The following OC90 variants were observed in gnomAD, a reference collection of about 807,000 sequenced individuals.
OC90 encodes the protein otoconin-90.
In OC90, 46 loss-of-function variants were observed where a neutral mutation model predicts 47.3. The observed-to-expected ratio is 0.97, with a 90% CI of 0.77 to 1.24. The LOEUF is 1.24. Among genes scored for constraint, OC90 ranks in the 50% most tolerant of loss-of-function variants. The pLI, the probability that OC90 is intolerant of heterozygous loss-of-function variation, is 0.00. For synonymous variants in OC90, 271 were observed against 219.5 expected (o/e 1.23, Z -2.07); for missense variants, 688 against 583.9 (o/e 1.18, Z -1.84).
intron 6 of OC90, among the ~76,000 whole-genome samples, chr8:132,039,662 C>T (rs1273022190): frequency 6.6e-6 from 1 of 152,156 alleles, no homozygotes; most frequent in Non-Finnish European, 1.5e-5. Flanking sequence ...AGGCCACATC[C>T]TCTTCCACTC....
intron 10 of OC90, among the ~76,000 whole-genome samples, chr8:132,034,215 T>C (rs928371782): frequency 2.6e-5 from 4 of 152,244 alleles, no homozygotes; most frequent in African/African-American, 7.2e-5. Context: ...TTAGCTTAGC[T>C]ATGTACTAGA....
rs991287529 is a variant in OC90 at position 132,033,025 on chromosome 8, C to G, written c.859+14G>C. ...ATCCCAGCAGCGGAGAGGACAGACA[C>G]TGCTTCTGCTCACCTTTTTCAGTGG... On this transcript the variant is annotated intron_variant, in intron 11 of 13. Transcript: ENST00000254627. The G allele has an allele frequency of 1.9e-6, 3 of 1,606,652 alleles. No homozygotes were observed. The highest frequency in any genetic ancestry group is 1.3e-5 in the African/African-American group (1 of 74,948).
intron 13 of OC90, among the ~76,000 whole-genome samples, chr8:132,027,396 G>T (rs563407599): frequency 6.6e-6 from 1 of 152,184 alleles, no homozygotes; most frequent in Non-Finnish European, 1.5e-5. Context: ...ATACCTGATC[G>T]TACAAGGCAA....
intron 10 of OC90, among the ~76,000 whole-genome samples, chr8:132,033,407 G>A (rs946452834): frequency 6.6e-6 from 1 of 152,128 alleles, no homozygotes; most frequent in Non-Finnish European, 1.5e-5. Context: ...GACATCCCAG[G>A]GATGAGGACT....
chr8:132,027,984 T>A (rs1026162673), intron 13 of OC90, among the ~76,000 whole-genome samples: 1 of 152,218 alleles, frequency 6.6e-6, no homozygotes, highest in East Asian at 1.9e-4. Context: ...ATCTTGGGCC[T>A]CAGTTGCCTT....
At chr8:132,026,526 C>T (rs1822761358) in intron 13 of OC90, among the ~76,000 whole-genome samples, 1 of 152,180 alleles carries the variant, frequency 6.6e-6, no homozygotes, top group South Asian at 2.1e-4. Context: ...GTCCTTCCTC[C>T]CTGCATTTGT....
At chr8:132,058,770 A>G (rs1179433328) in intron 1 of OC90, among the ~76,000 whole-genome samples, 3 of 152,088 alleles carry the variant, frequency 2.0e-5, no homozygotes, top group African/African-American at 7.2e-5. Context: ...TTGTGTTTCC[A>G]CACCAGGTGC....
chr8:132,028,623 A>G (rs1822807563), intron 13 of OC90, among the ~76,000 whole-genome samples: 1 of 104,188 alleles, frequency 9.6e-6, no homozygotes, highest in African/African-American at 3.3e-5. Flanking sequence ...AGGAGGAAGG[A>G]AGGAAGGAAG....
At chr8:132,040,990 T>A in intron 6 of OC90, 54 bp downstream of exon 6, 1 of 1,062,714 alleles carries the variant, frequency 9.4e-7, no homozygotes, top group Admixed American at 1.7e-5. Context: ...AGGCTTGGGA[T>A]CCCTGGACTG....
In OC90 at chr8:132,045,825, G is replaced by T. The variant is rs1317939053; in HGVS notation, c.105C>A (p.Asn35Lys). 14 of 1,534,080 alleles carry T rather than the reference G, an allele frequency of 9.1e-6. No homozygotes were observed. The highest frequency in any genetic ancestry group is 1.1e-5 in the Non-Finnish European group (13 of 1,131,100). ...LPQELPPGLP[N>K]NINITFFSGM... ...AGTTCTAAGAATCCTTACTGATATT[G>T]TTTGGGAGTCCTGGAGGCAGCTCCT... Residue 35 changes from asparagine to lysine, a missense_variant, in exon 3 of 14, where the codon AAC (asparagine) becomes AAA (lysine). Asn to Lys is a moderately conservative substitution (Grantham distance 94). Coordinates refer to ENST00000254627, the MANE Select transcript of OC90 (RefSeq NM_001080399.3).
intron 2 of OC90, among the ~76,000 whole-genome samples, chr8:132,053,917 T>C (rs1823248491): frequency 6.6e-6 from 1 of 152,208 alleles, no homozygotes; most frequent in African/African-American, 2.4e-5. Flanking sequence ...GGAGCCAACA[T>C]GGAAGCTGCT....
At chr8:132,024,888 A>T in intron 13 of OC90, 112 bp from the exon 14 acceptor site, 1 of 856,792 alleles carries the variant, frequency 1.2e-6, no homozygotes, top group South Asian at 1.8e-5. Flanking sequence ...TCTTCCACAC[A>T]CCTTCAGGGT....
intron 13 of OC90, among the ~76,000 whole-genome samples, chr8:132,027,711 G>A (rs551975398): frequency 6.6e-6 from 1 of 152,214 alleles, no homozygotes; most frequent in Non-Finnish European, 1.5e-5. Context: ...CCTGCCTGAG[G>A]CCCTGAAGGG....
At chr8:132,055,925 A>G (rs1341965774) in intron 1 of OC90, among the ~76,000 whole-genome samples, 1 of 152,230 alleles carries the variant, frequency 6.6e-6, no homozygotes, top group African/African-American at 2.4e-5. Flanking sequence ...CGCAGGGAAA[A>G]GACCAGAGGG....
rs192864975 is a variant in OC90, at chr8:132,059,348, G to C, written c.-55C>G. On this transcript the variant is annotated 5_prime_UTR_variant, in exon 1 of 14. Transcript: ENST00000254627. ...GGAATAACAGATGCCTACCGTGAAG[G>C]CTCCACTGGAGTGCAGCTGGATGAA... 3 of 152,076 alleles carry C rather than the reference G, an allele frequency of 2.0e-5. No individual in the cohort carries two copies. Among genetic ancestry groups the C allele is most frequent in the East Asian group, 3.9e-4 (2 of 5,144 alleles). The allele number at this position is 152,076 out of a possible 1,614,324, so 9.4% of individuals were successfully genotyped here.
intron 2 of OC90, among the ~76,000 whole-genome samples, chr8:132,047,408 T>C (rs1227605290): frequency 1.3e-5 from 2 of 152,244 alleles, no homozygotes; most frequent in Non-Finnish European, 2.9e-5. Context: ...GAGTCTAAAT[T>C]TGTATGCACA....
At chr8:132,051,361 C>T (rs139235379) in intron 2 of OC90, among the ~76,000 whole-genome samples, 1 of 152,240 alleles carries the variant, frequency 6.6e-6, no homozygotes, top group Non-Finnish European at 1.5e-5. Context: ...CCTGCCTTCT[C>T]TTTAGCCAAG....
intron 2 of OC90, among the ~76,000 whole-genome samples, chr8:132,050,725 G>A (rs1394416806): frequency 6.6e-6 from 1 of 152,142 alleles, no homozygotes; most frequent in African/African-American, 2.4e-5. Context: ...GCATAGGCCG[G>A]GCGCGGTGCC....
At chr8:132,050,863 G>A (rs143804618) in intron 2 of OC90, among the ~76,000 whole-genome samples, 157 of 152,124 alleles carry the variant, frequency 1.0e-3, no homozygotes, top group African/African-American at 3.6e-3. Flanking sequence ...AACTGGGAGT[G>A]GTGGCATGTA....
Sources: gnomAD v4.1 joint callset for allele counts (sites outside exome capture counted in the v4.1 genomes callset) on GRCh38, gnomAD v4.1.1 for gene constraint, MANE v1.5 for transcripts, NCBI Gene and HGNC (gene_info 2026-07-23, HGNC 2026-07-21) for gene names.